The following DPP10 variants were observed in gnomAD, a reference collection of about 807,000 sequenced individuals.
DPP10 encodes dipeptidyl peptidase like 10.
Under a neutral mutation model 120.9 loss-of-function variants are expected in DPP10, and 33 were observed. The ratio of observed to expected loss-of-function variants is 0.27; its 90% CI spans 0.21 to 0.37. The LOEUF is 0.37. DPP10 is among the 10% of genes least tolerant of loss of function. The pLI is 1.00. For missense variants in DPP10, 816 were observed against 942.8 expected (o/e 0.87, Z 1.76); for synonymous variants, 337 against 326.1 (o/e 1.03, Z -0.36).
intron 7 of DPP10, 47 bp downstream of exon 7, chr2:115,689,968 T>C: frequency 6.4e-7 from 1 of 1,558,076 alleles, no homozygotes; most frequent in Non-Finnish European, 8.7e-7. Flanking sequence ...ATCATGGTTT[T>C]ATGGAAGATG....
chr2:114,564,500 A>G (rs2104967119), intron 1 of DPP10, among the ~76,000 whole-genome samples: 1 of 152,308 alleles, frequency 6.6e-6, no homozygotes, highest in Middle Eastern at 3.4e-3. Context: ...GTTATTTAGA[A>G]ACTATATATT....
chr2:114,498,226 T>A (rs2104493489), intron 1 of DPP10, among the ~76,000 whole-genome samples: 1 of 152,292 alleles, frequency 6.6e-6, no homozygotes, highest in Non-Finnish European at 1.5e-5. Context: ...TTGCTGACTA[T>A]AGTCACCCTA....
At chr2:114,974,698 C>T (rs573584740) in intron 1 of DPP10, among the ~76,000 whole-genome samples, 22 of 151,698 alleles carry the variant, frequency 1.5e-4, no homozygotes, top group African/African-American at 5.1e-4. Flanking sequence ...TGAGCCACTG[C>T]ACCCAGCCGG....
At chr2:115,638,881 G>C (rs569140474) in intron 5 of DPP10, among the ~76,000 whole-genome samples, 1 of 152,212 alleles carries the variant, frequency 6.6e-6, no homozygotes, top group Non-Finnish European at 1.5e-5. Context: ...AAGTGTTTAA[G>C]GGGGACTGGG....
intron 5 of DPP10, among the ~76,000 whole-genome samples, chr2:115,623,449 A>G (rs977992178): frequency 1.3e-5 from 2 of 152,186 alleles, no homozygotes; most frequent in Admixed American, 6.5e-5. Flanking sequence ...TTATATTTCA[A>G]TTTATCAATT....
At chr2:115,122,987 A>C (rs368829540) in intron 1 of DPP10, among the ~76,000 whole-genome samples, 3 of 152,196 alleles carry the variant, frequency 2.0e-5, no homozygotes, top group African/African-American at 7.2e-5. Flanking sequence ...GAAAGAATCC[A>C]TGTACAGGGG....
intron 25 of DPP10, among the ~76,000 whole-genome samples, chr2:115,841,872 T>G (rs1392944461): frequency 3.3e-5 from 5 of 152,142 alleles, no homozygotes; most frequent in Admixed American, 3.3e-4. Context: ...CTAAACTAAA[T>G]ACTCCTAAAA....
At position 115,518,926 on chromosome 2, in the gene DPP10, T is replaced by C. The variant is rs561687460; in HGVS notation, c.367-6972T>C. Among the ~76,000 whole-genome samples the C allele has an allele frequency of 5.3e-4, 80 of 152,254 alleles. 1 individual carries two copies. The South Asian group carries it at 0.016, about 31-fold the overall frequency. On this transcript the variant is annotated intron_variant, in intron 4 of 25. Transcript: ENST00000410059. ...ACAGCACCATTTAAAAATATATATA[T>C]ACTTGATATAGGATGATTATAAAGC...
chr2:114,538,869 A>C (rs1329845672), intron 1 of DPP10, among the ~76,000 whole-genome samples: 1 of 152,152 alleles, frequency 6.6e-6, no homozygotes, highest in Non-Finnish European at 1.5e-5. Flanking sequence ...AAAGAAGAGA[A>C]TTCCCTTCTC....
intron 1 of DPP10, among the ~76,000 whole-genome samples, chr2:114,627,005 G>A (rs551897530): frequency 1.3e-5 from 2 of 152,090 alleles, no homozygotes; most frequent in African/African-American, 4.8e-5. Context: ...AAATATTTAG[G>A]CAGTTTTCCC....
At chr2:115,544,475 A>G (rs2079375660) in intron 5 of DPP10, among the ~76,000 whole-genome samples, 1 of 152,058 alleles carries the variant, frequency 6.6e-6, no homozygotes, top group Non-Finnish European at 1.5e-5. Flanking sequence ...AATTGAGGCC[A>G]TGGGAAATAT....
chr2:115,279,649 C>CTTTTTTTTTTTTTT (rs2060068274), intron 1 of DPP10, among the ~76,000 whole-genome samples: 1 of 50,032 alleles, frequency 2.0e-5, no homozygotes, highest in African/African-American at 7.2e-5. Flanking sequence ...TTCTTTTTTT[C>CTTTTTTTTTTTTTT]TTCTTCTTTT....
chr2:114,858,941 G>A (rs975543547), intron 1 of DPP10, among the ~76,000 whole-genome samples: 3 of 152,118 alleles, frequency 2.0e-5, no homozygotes, highest in African/African-American at 7.2e-5. Context: ...GAGTCTATCT[G>A]CATATCCCAT....
At chr2:115,328,550 A>G (rs1056093012) in intron 2 of DPP10, among the ~76,000 whole-genome samples, 1 of 152,124 alleles carries the variant, frequency 6.6e-6, no homozygotes, top group Non-Finnish European at 1.5e-5. Flanking sequence ...AGTATAAGAT[A>G]TACCAGAAAT....
rs562994236 is a variant in DPP10, at chr2:115,026,026, T to A, written c.61-283213T>A. Reference sequence around the variant, plus strand: ...GGTGTATAGAAGCTTTTTAGCTTGATGTGATCCCATTTGTTTATTTTTGCT... The same window carrying A: ...GGTGTATAGAAGCTTTTTAGCTTGAAGTGATCCCATTTGTTTATTTTTGCT... On this transcript the variant is annotated intron_variant, in intron 1 of 25. Transcript: ENST00000410059. 6.1e-4 allele frequency among the ~76,000 whole-genome samples: 93 copies of A among 152,280 alleles called. 1 individual carries two copies. Among genetic ancestry groups the A allele is most frequent in the African/African-American group, 2.0e-3 (84 of 41,574 alleles).
intron 1 of DPP10, among the ~76,000 whole-genome samples, chr2:114,939,888 C>G (rs892343740): frequency 7.9e-5 from 12 of 152,072 alleles, no homozygotes; most frequent in African/African-American, 2.9e-4. Context: ...GTTTGTATAT[C>G]TTATATAAAA....
chr2:115,108,291 G>T (rs529526531), intron 1 of DPP10, among the ~76,000 whole-genome samples: 8 of 152,190 alleles, frequency 5.3e-5, no homozygotes, highest in African/African-American at 1.9e-4. Flanking sequence ...TGCCAGCAGA[G>T]GTTTGGTAGG....
chr2:114,791,352 C>T (rs953767443), intron 1 of DPP10, among the ~76,000 whole-genome samples: 3 of 152,156 alleles, frequency 2.0e-5, no homozygotes, highest in Non-Finnish European at 4.4e-5. Context: ...ATCAAATTAA[C>T]TTATTTGCAT....
intron 1 of DPP10, among the ~76,000 whole-genome samples, chr2:114,665,719 C>T (rs959024080): frequency 6.6e-6 from 1 of 152,020 alleles, no homozygotes; most frequent in Non-Finnish European, 1.5e-5. Flanking sequence ...TTCCAGATGA[C>T]CCCCAAGAGA....
Sources: allele counts gnomAD v4.1 joint callset (sites outside exome capture counted in the v4.1 genomes callset), GRCh38; gene constraint gnomAD v4.1.1; transcripts MANE v1.5; gene names NCBI Gene and HGNC (gene_info 2026-07-23, HGNC 2026-07-21).